ZSCAN20: variants seen among roughly 807,000 people sequenced by gnomAD.
ZSCAN20 encodes zinc finger and SCAN domain-containing protein 20.
A neutral mutation model predicts 97.1 loss-of-function variants in ZSCAN20; 39 were observed. The observed-to-expected ratio is 0.40, with a 90% CI of 0.31 to 0.52. The LOEUF (loss-of-function observed/expected upper bound fraction) is 0.52. ZSCAN20 is among the 20% of genes least tolerant of loss of function. ZSCAN20 has a pLI of 0.49. For missense variants in ZSCAN20, 1,115 were observed against 1,290.4 expected, an observed-to-expected ratio of 0.86 and a Z score of 2.08; for synonymous variants, 456 against 467.3, an observed-to-expected ratio of 0.98 and a Z score of 0.31.
rs1174206322 is a variant in ZSCAN20, at chr1:33,497,228, G to A, written c.*1752G>A. Among the ~76,000 whole-genome samples, 1 of 152,120 alleles carries A rather than the reference G, an allele frequency of 6.6e-6. No homozygotes were observed. The highest frequency in any genetic ancestry group is 1.5e-5 in the Non-Finnish European group (1 of 68,020). On this transcript the variant is annotated 3_prime_UTR_variant, in exon 8 of 8. Coordinates refer to ENST00000684572, the MANE Select transcript of ZSCAN20 (RefSeq NM_001377376.1). The stretch of plus-strand genomic sequence containing the variant: ...CCTGCTTCAGAACCTCCTTTCCCAA[G>A]AACCAGCCCCACTAGGATCACCGTC...
rs1215765180 is a variant in ZSCAN20 at position 33,490,648 on chromosome 1, CAA to C, written c.767-375_767-374del. Among the ~76,000 whole-genome samples the C allele has an allele frequency of 1.8e-4, 10 of 54,258 alleles. No individual in the cohort carries two copies. In the East Asian group the frequency reaches 3.2e-3, roughly 17 times the overall value. The allele number at this position is 54,258 out of a possible 152,430, so 35.6% of individuals were successfully genotyped here. A position where few individuals can be genotyped will look rare whatever the true frequency, so the allele number is the denominator to read the frequency against. ...GCAGGACAGAGACTCACTACACACA[CAA>C]ACACACACACACACACACACACACA... On this transcript the variant is annotated intron_variant, in intron 5 of 7. Coordinates refer to ENST00000684572, the MANE Select transcript of ZSCAN20 (RefSeq NM_001377376.1).
Position 33,493,640 on chromosome 1 carries a change from C to A in ZSCAN20, c.1873+25C>A. On this transcript the variant is annotated intron_variant, in intron 7 of 7. Coordinates refer to ENST00000684572, the MANE Select transcript of ZSCAN20 (RefSeq NM_001377376.1). This position sits in a 1 kb window ranked among gnomAD's most constrained non-coding sequence, Gnocchi z 4.3. ...GGTAAGCCTGGAGTAATTGGATGTT[C>A]TCAAAATCTGTGGGCATGTGGAGAG... is the stretch of plus-strand genomic sequence containing the variant. 1 of 1,522,214 alleles carries A rather than the reference C, an allele frequency of 6.6e-7. No individual in the cohort carries two copies. Among genetic ancestry groups the A allele is most frequent in the Non-Finnish European group, 8.8e-7 (1 of 1,136,652 alleles). The allele number at this position is 1,522,214 out of a possible 1,614,324, so 94.3% of individuals were successfully genotyped here.
chr1:33,475,594 A>G (rs1214592363), intron 1 of ZSCAN20, among the ~76,000 whole-genome samples: 1 of 152,166 alleles, frequency 6.6e-6, no homozygotes, highest in African/African-American at 2.4e-5. Flanking sequence ...CCACATGCTT[A>G]TTCTCGAACA....
In ZSCAN20 at chr1:33,495,526, TC is replaced by T; in HGVS notation, c.*51del. On this transcript the variant is annotated 3_prime_UTR_variant, in exon 8 of 8. Transcript: ENST00000684572. The stretch of plus-strand genomic sequence containing the variant: ...GAGGACTCAATGTATATATCTTATA[TC>T]ATAAGATGTATGCTAGAGATAAACT... 4 of 1,393,868 alleles carry T rather than the reference TC, an allele frequency of 2.9e-6. No homozygotes were observed. Among genetic ancestry groups the T allele is most frequent in the African/African-American group, 1.4e-5 (1 of 70,198 alleles). 86.3% of individuals were successfully genotyped at this position (1,393,868 alleles called of 1,614,324 possible).
In ZSCAN20 at chr1:33,501,382, G is replaced by C. The variant is rs1175436080; in HGVS notation, c.*5906G>C. Among the ~76,000 whole-genome samples the C allele has an allele frequency of 6.6e-6, 1 of 152,192 alleles. No homozygotes were observed. The highest frequency in any genetic ancestry group is 6.5e-5 in the Admixed American group (1 of 15,288). ...TGATTTTAATTCCCTCTTAGGGACT[G>C]TGAAATTAAAATGGATTAAATTTTG... On this transcript the variant is annotated 3_prime_UTR_variant, in exon 8 of 8. Transcript: ENST00000684572.
intron 2 of ZSCAN20, among the ~76,000 whole-genome samples, chr1:33,482,385 C>T (rs910174836): frequency 1.3e-5 from 2 of 152,332 alleles, no homozygotes; most frequent in African/African-American, 4.8e-5. Context: ...TCCTCCACGT[C>T]TTTTCATGGC....
At chr1:33,488,974 G>T in intron 3 of ZSCAN20, 141 bp from the exon 4 acceptor site, 1 of 703,328 alleles carries the variant, frequency 1.4e-6, no homozygotes. Flanking sequence ...CACTCTAGAA[G>T]GGAAGTAAAG....
Position 33,489,549 on chromosome 1 carries a change from A to C in ZSCAN20, c.713A>C (p.Lys238Thr). ...EALGPGKHAE[K>T]ELCKDPPGDD... ...CTGGGCCCTGGCAAACATGCTGAGA[A>C]GGAGCTCTGTAAAGACCCCCCAGGA... is the stretch of plus-strand genomic sequence containing the variant. The change falls in exon 5 of 8, where the codon AAG becomes ACG. Residue 238 changes from lysine (K) to threonine (T), a missense_variant. Around this residue, in one of 3 missense-constraint regions of ZSCAN20, gnomAD observed 508 missense variants for 611.2 expected, o/e 0.83. Transcript: ENST00000684572. 2 of 1,614,172 alleles carry C rather than the reference A, an allele frequency of 1.2e-6. No homozygotes were observed. The highest frequency in any genetic ancestry group is 1.7e-6 in the Non-Finnish European group (2 of 1,180,014).
rs751279112 is a variant in ZSCAN20 at position 33,497,411 on chromosome 1, G to A, written c.*1935G>A. Among the ~76,000 whole-genome samples the A allele has an allele frequency of 2.6e-5, 4 of 152,180 alleles. No homozygotes were observed. The highest frequency in any genetic ancestry group is 5.9e-5 in the Non-Finnish European group (4 of 68,042). ...TGAGAGGAAGGATCCTGAGGTGAGG[G>A]AGAGGGAGGGAATTCCAGGGAAAGG... is the stretch of plus-strand genomic sequence containing the variant. On this transcript the variant is annotated 3_prime_UTR_variant, in exon 8 of 8. Transcript: ENST00000684572.
Position 33,499,912 on chromosome 1 carries a change from T to C in ZSCAN20, c.*4436T>C, listed in dbSNP as rs1455489725. On this transcript the variant is annotated 3_prime_UTR_variant, in exon 8 of 8. Coordinates refer to ENST00000684572, the MANE Select transcript of ZSCAN20 (RefSeq NM_001377376.1). ...ATCCTCCATTTGGGCATTGCTCAGC[T>C]CCCCCACCTGTTAATAGCAAACACC... 1.3e-5 allele frequency among the ~76,000 whole-genome samples: 2 copies of C among 151,802 alleles called. No individual in the cohort carries two copies. The highest frequency in any genetic ancestry group is 3.9e-4 in the East Asian group (2 of 5,180).
chr1:33,489,434 A>C (rs1400266219), intron 4 of ZSCAN20, 84 bp from the exon 5 acceptor site: 11 of 1,392,962 alleles, frequency 7.9e-6, no homozygotes, highest in Non-Finnish European at 1.1e-5. Flanking sequence ...TGTTCCCATC[A>C]TCTTTCCTGG....
intron 1 of ZSCAN20, among the ~76,000 whole-genome samples, chr1:33,477,016 T>C (rs1392050250): frequency 6.6e-6 from 1 of 152,154 alleles, no homozygotes; most frequent in Non-Finnish European, 1.5e-5. Context: ...TCTAGTAATA[T>C]AGTATAATGT....
chr1:33,497,378 A>G lies in ZSCAN20; in HGVS notation c.*1902A>G, dbSNP rs1317943187. 6.6e-6 allele frequency among the ~76,000 whole-genome samples: 1 copy of G among 152,164 alleles called. No homozygotes were observed. The highest frequency in any genetic ancestry group is 2.4e-5 in the African/African-American group (1 of 41,448). The stretch of plus-strand genomic sequence containing the variant: ...AGTAATACAGTGATATTGTCTAGTA[A>G]TGTGAGCTGAGAGGAAGGATCCTGA... On this transcript the variant is annotated 3_prime_UTR_variant, in exon 8 of 8. Coordinates refer to ENST00000684572, the MANE Select transcript of ZSCAN20 (RefSeq NM_001377376.1).
At chr1:33,482,808 A>G (rs998111118) in intron 2 of ZSCAN20, among the ~76,000 whole-genome samples, 1 of 152,220 alleles carries the variant, frequency 6.6e-6, no homozygotes, top group East Asian at 1.9e-4. Flanking sequence ...CAATTCACCA[A>G]TAACCTACCA....
In ZSCAN20 at chr1:33,496,805, T is replaced by C. The variant is rs1652878478; in HGVS notation, c.*1329T>C. On this transcript the variant is annotated 3_prime_UTR_variant, in exon 8 of 8. Coordinates refer to ENST00000684572, the MANE Select transcript of ZSCAN20 (RefSeq NM_001377376.1). ...CTGTGTACCAGGTTCTTGGCACAAT[T>C]TTACCCTGAGCCATCCTGTCCCAGG... is the stretch of plus-strand genomic sequence containing the variant. 6.6e-6 allele frequency among the ~76,000 whole-genome samples: 1 copy of C among 152,122 alleles called. No individual in the cohort carries two copies. Among genetic ancestry groups the C allele is most frequent in the South Asian group, 2.1e-4 (1 of 4,828 alleles).
At chr1:33,475,814 C>G (rs1254620789) in intron 1 of ZSCAN20, among the ~76,000 whole-genome samples, 1 of 132,400 alleles carries the variant, frequency 7.6e-6, no homozygotes, top group Non-Finnish European at 1.6e-5. Flanking sequence ...TACGAGCCAC[C>G]ACGCTTGGCT....
intron 2 of ZSCAN20, among the ~76,000 whole-genome samples, chr1:33,482,484 T>C (rs1057142157): frequency 1.3e-5 from 2 of 152,232 alleles, no homozygotes; most frequent in African/African-American, 4.8e-5. Context: ...CTGAAGGACA[T>C]CTTGGTTCCA....
chr1:33,494,566 T>A lies in ZSCAN20; in HGVS notation c.2222T>A (p.Leu741His). 2.5e-6 allele frequency: 4 copies of A among 1,613,934 alleles called. No homozygotes were observed. The highest frequency in any genetic ancestry group is 3.4e-6 in the Non-Finnish European group (4 of 1,179,850). ...ACAGGTGAGAAGCCCTACAAATGCC[T>A]TGAATGTGGAAAAAACTTTAGTGAC... ...IHTGEKPYKC[L>H]ECGKNFSDRS... Residue 741 changes from leucine (L) to histidine (H), a missense_variant, in exon 8 of 8, where the codon CTT becomes CAT. Transcript: ENST00000684572.
rs974227254 is a variant in ZSCAN20, at chr1:33,501,545, T to TG, written c.*6069_*6070insG. The stretch of plus-strand genomic sequence containing the variant: ...TTCCCCATTTTCTGTTATTTTTTTT[T>TG]TTTTTGTGCTGTTATGTACATCTCT... On this transcript the variant is annotated 3_prime_UTR_variant, in exon 8 of 8. Transcript: ENST00000684572. Among the ~76,000 whole-genome samples, 13 of 151,330 alleles carry TG rather than the reference T, an allele frequency of 8.6e-5. No individual in the cohort carries two copies. The highest frequency in any genetic ancestry group is 3.2e-4 in the African/African-American group (13 of 40,946).
Sources: gnomAD v4.1 joint callset for allele counts (sites outside exome capture counted in the v4.1 genomes callset) on GRCh38, gnomAD v4.1.1 for gene constraint, gnomAD v4.1.1 regional missense constraint, Gnocchi (gnomAD v3.1) non-coding constraint, MANE v1.5 for transcripts, NCBI Gene and HGNC (gene_info 2026-07-23, HGNC 2026-07-21) for gene names.